SLC22A15: variants seen among roughly 807,000 people sequenced by gnomAD.
SLC22A15 encodes solute carrier family 22 member 15.
Under a neutral mutation model 62.7 loss-of-function variants are expected in SLC22A15, and 45 were observed. That is an observed-to-expected ratio of 0.72 (90% CI 0.56 to 0.92). The LOEUF is 0.92. Ranked by LOEUF, SLC22A15 falls within the 40% of genes least tolerant of loss-of-function variation. The pLI, the probability that SLC22A15 is intolerant of heterozygous loss-of-function variation, is 0.00. For synonymous variants in SLC22A15, 264 were observed against 267.0 expected (o/e 0.99, Z 0.11); for missense variants, 622 against 665.6 (o/e 0.93, Z 0.72).
At chr1:116,051,252 C>T (rs1389404520) in intron 8 of SLC22A15, among the ~76,000 whole-genome samples, 2 of 152,042 alleles carry the variant, frequency 1.3e-5, no homozygotes, top group African/African-American at 4.8e-5. Context: ...GCCCACATAG[C>T]CAAAGCAAGA....
chr1:116,023,412 G>A (rs1656935557), intron 4 of SLC22A15, among the ~76,000 whole-genome samples: 2 of 152,128 alleles, frequency 1.3e-5, no homozygotes, highest in Admixed American at 1.3e-4. Context: ...AAATAATTAA[G>A]AAATATATGC....
At chr1:116,042,117 A>C (rs151207167) in intron 8 of SLC22A15, among the ~76,000 whole-genome samples, 2,715 of 149,104 alleles carry the variant, frequency 0.018, 35 homozygotes, top group Middle Eastern at 0.066. Flanking sequence ...AAAAACATTG[A>C]GTGTGTAGCC....
At chr1:116,031,230 T>C (rs943039500) in intron 5 of SLC22A15, 136 bp from the exon 6 acceptor site, 5 of 651,284 alleles carry the variant, frequency 7.7e-6, no homozygotes, top group Non-Finnish European at 1.3e-5. Flanking sequence ...CATATGTTAT[T>C]GGGAGAGTCA....
chr1:116,051,373 C>T (rs1658044227), intron 8 of SLC22A15, among the ~76,000 whole-genome samples: 1 of 152,126 alleles, frequency 6.6e-6, no homozygotes, highest in South Asian at 2.1e-4. Context: ...GGCATATAGA[C>T]CAGTGGAACA....
intron 8 of SLC22A15, among the ~76,000 whole-genome samples, chr1:116,049,471 GA>G (rs201142054): frequency 0.018 from 2,756 of 152,208 alleles, 80 homozygotes; most frequent in African/African-American, 0.063. Flanking sequence ...CAAATACATG[GA>G]AATTAAATAA....
chr1:115,988,998 A>G (rs1418742285), intron 1 of SLC22A15, among the ~76,000 whole-genome samples: 1 of 152,128 alleles, frequency 6.6e-6, no homozygotes, highest in East Asian at 1.9e-4. Context: ...ATTGGAGGAG[A>G]CAAAAAGGCT....
chr1:115,986,029 G>A (rs1264142383), intron 1 of SLC22A15, among the ~76,000 whole-genome samples: 1 of 151,708 alleles, frequency 6.6e-6, no homozygotes, highest in African/African-American at 2.4e-5. Context: ...TTTAAATCGA[G>A]GTGGAGTCTC....
At chr1:116,004,609 C>T (rs1195038635) in intron 2 of SLC22A15, among the ~76,000 whole-genome samples, 1 of 152,038 alleles carries the variant, frequency 6.6e-6, no homozygotes, top group East Asian at 1.9e-4. Context: ...ATTAATGCCT[C>T]TATATTTGTG....
rs887052154 is a variant in SLC22A15 at position 116,069,035 on chromosome 1, G to A, written c.*1927G>A. 1.3e-5 allele frequency: 2 copies of A among 152,114 alleles called. No individual in the cohort carries two copies. Among genetic ancestry groups the A allele is most frequent in the African/African-American group, 2.4e-5 (1 of 41,420 alleles). The allele number at this position is 152,114 out of a possible 1,614,324, so 9.4% of individuals were successfully genotyped here. ...CCAGTGTTATGACTTTGTTCCATTT[G>A]AAGACTAATTGGGAGTCCATCTCTC... On this transcript the variant is annotated 3_prime_UTR_variant, in exon 12 of 12. Transcript: ENST00000369503.
intron 6 of SLC22A15, chr1:116,032,715 G>C (rs1340076226): frequency 1.1e-6 from 1 of 885,974 alleles, no homozygotes; most frequent in Non-Finnish European, 1.4e-6. Context: ...TGGAGATTAA[G>C]AAAACCGTTG....
chr1:116,069,366 G>A lies in SLC22A15; in HGVS notation c.*2258G>A, dbSNP rs1263047603. ...CTATTGATGTAGAGAATGTGTATAT[G>A]TGTATATTTGCATTGATTAAATTAT... On this transcript the variant is annotated 3_prime_UTR_variant, in exon 12 of 12. Transcript: ENST00000369503. 6.6e-6 allele frequency: 1 copy of A among 152,124 alleles called. No individual in the cohort carries two copies. Among genetic ancestry groups the A allele is most frequent in the Non-Finnish European group, 1.5e-5 (1 of 68,004 alleles). The allele number at this position is 152,124 out of a possible 1,614,324, so 9.4% of individuals were successfully genotyped here.
chr1:116,037,507 A>G, intron 8 of SLC22A15, 119 bp downstream of exon 8: 1 of 789,508 alleles, frequency 1.3e-6, no homozygotes, highest in Non-Finnish European at 2.2e-6. Context: ...ATTGTTTAGC[A>G]ATTGTGTGGG....
chr1:116,048,079 G>C (rs1222283657), intron 8 of SLC22A15, among the ~76,000 whole-genome samples: 1 of 152,100 alleles, frequency 6.6e-6, no homozygotes, highest in Non-Finnish European at 1.5e-5. Context: ...AGAAGTCTGG[G>C]GTTATGTTAA....
chr1:116,020,359 T>G (rs868592417), intron 3 of SLC22A15, among the ~76,000 whole-genome samples: 2 of 151,226 alleles, frequency 1.3e-5, no homozygotes, highest in Non-Finnish European at 1.5e-5. Flanking sequence ...GAGACCATCC[T>G]GGCTAACACG....
chr1:115,976,561 C>G lies in SLC22A15; in HGVS notation c.-67C>G, dbSNP rs1333032628. The stretch of plus-strand genomic sequence containing the variant: ...CCGGTGCCGGGCGCCCAGGGGTTGC[C>G]GCGCTGGGCGGGAGGGCAGCGCCTG... On this transcript the variant is annotated 5_prime_UTR_variant, in exon 1 of 12. Transcript: ENST00000369503. 13 of 1,280,420 alleles carry G rather than the reference C, an allele frequency of 1.0e-5. No individual in the cohort carries two copies. The highest frequency in any genetic ancestry group is 1.3e-5 in the Non-Finnish European group (12 of 934,782). The allele number at this position is 1,280,420 out of a possible 1,614,324, so 79.3% of individuals were successfully genotyped here. A position where few individuals can be genotyped will look rare whatever the true frequency, so the allele number is the denominator to read the frequency against.
intron 8 of SLC22A15, among the ~76,000 whole-genome samples, chr1:116,060,677 T>C (rs1230538402): frequency 6.6e-6 from 1 of 152,212 alleles, no homozygotes; most frequent in African/African-American, 2.4e-5. Context: ...TTCTGTTTCC[T>C]GGAAAATAAT....
At chr1:115,994,317 G>A (rs546326921) in intron 2 of SLC22A15, among the ~76,000 whole-genome samples, 23 of 152,276 alleles carry the variant, frequency 1.5e-4, no homozygotes, top group African/African-American at 4.8e-4. Flanking sequence ...GTAATTCTAT[G>A]AGGTAGGAAT....
intron 4 of SLC22A15, among the ~76,000 whole-genome samples, chr1:116,021,905 A>T (rs1291934109): frequency 6.6e-5 from 10 of 151,046 alleles, no homozygotes; most frequent in Non-Finnish European, 1.3e-4. Flanking sequence ...TTCCCCAAAG[A>T]CTCTCCTCTT....
intron 2 of SLC22A15, among the ~76,000 whole-genome samples, chr1:116,001,180 T>G (rs1655710872): frequency 6.6e-6 from 1 of 152,144 alleles, no homozygotes; most frequent in Admixed American, 6.5e-5. Flanking sequence ...AGGTTTCCAC[T>G]GAGAAATTTG....
Sources: allele counts gnomAD v4.1 joint callset (sites outside exome capture counted in the v4.1 genomes callset), GRCh38; gene constraint gnomAD v4.1.1; transcripts MANE v1.5; gene names NCBI Gene and HGNC (gene_info 2026-07-23, HGNC 2026-07-21).